The following TMEM221 variants were observed in gnomAD, a reference collection of about 807,000 sequenced individuals.
TMEM221 encodes the protein transmembrane protein 221.
A neutral mutation model predicts 10.2 loss-of-function variants in TMEM221; 11 were observed. The ratio of observed to expected loss-of-function variants is 1.08; its 90% CI spans 0.68 to 1.79. The LOEUF is 1.79. Among genes scored for constraint, TMEM221 ranks in the 40% most tolerant of loss-of-function variants. TMEM221 has a pLI of 0.00. For synonymous variants in TMEM221, 172 were observed against 199.8 expected, an observed-to-expected ratio of 0.86 and a Z score of 1.18; for missense variants, 382 against 417.7, an observed-to-expected ratio of 0.91 and a Z score of 0.75.
At chr19:17,443,150 G>A (rs1475190916) in intron 2 of TMEM221, among the ~76,000 whole-genome samples, 1 of 151,774 alleles carries the variant, frequency 6.6e-6, no homozygotes, top group African/African-American at 2.4e-5. Context: ...GCGTGGTGGT[G>A]GGCACCTGTA....
chr19:17,442,925 A>G (rs1194942511), intron 2 of TMEM221, among the ~76,000 whole-genome samples: 5 of 152,222 alleles, frequency 3.3e-5, no homozygotes, highest in African/African-American at 1.2e-4. Context: ...CTTCACATAT[A>G]TAAATTCCCA....
At chr19:17,447,718 G>A (rs1344132017) in intron 1 of TMEM221, among the ~76,000 whole-genome samples, 1 of 152,124 alleles carries the variant, frequency 6.6e-6, no homozygotes, top group Non-Finnish European at 1.5e-5. Flanking sequence ...GGTCCCTGAG[G>A]AAGGAACTCA....
intron 1 of TMEM221, 128 bp from the exon 2 acceptor site, chr19:17,445,412 A>G: frequency 1.6e-6 from 1 of 637,144 alleles, no homozygotes; most frequent in South Asian, 2.0e-5. Flanking sequence ...CCCAAAATCT[A>G]TGTGAGTACC....
chr19:17,443,735 T>C (rs1166568676), intron 2 of TMEM221, among the ~76,000 whole-genome samples: 1 of 152,168 alleles, frequency 6.6e-6, no homozygotes, highest in Non-Finnish European at 1.5e-5. Context: ...TTTTTCTTCC[T>C]GTAAAACAGA....
intron 2 of TMEM221, among the ~76,000 whole-genome samples, chr19:17,438,786 A>C (rs1013938531): frequency 1.3e-5 from 2 of 150,470 alleles, no homozygotes; most frequent in South Asian, 4.2e-4. Flanking sequence ...TAGTAGAGAC[A>C]GGGGTTTCAC....
Position 17,448,645 on chromosome 19 carries a change from G to A in TMEM221, c.-183C>T, listed in dbSNP as rs1329761110. Reference sequence around the variant, plus strand: ...GACGGACGGGGGCTCCGGGGTGCTGGTCGCAGCCGGGACGCCGAATCTCCG... The same window carrying A: ...GACGGACGGGGGCTCCGGGGTGCTGATCGCAGCCGGGACGCCGAATCTCCG... On this transcript the variant is annotated 5_prime_UTR_variant, in exon 1 of 3. Transcript: ENST00000341130. This position sits in a 1 kb window ranked among gnomAD's most constrained non-coding sequence, Gnocchi z 4.7. 1 of 391,430 alleles carries A rather than the reference G, an allele frequency of 2.6e-6. No homozygotes were observed. Among genetic ancestry groups the A allele is most frequent in the Non-Finnish European group, 4.5e-6 (1 of 223,484 alleles). The allele number at this position is 391,430 out of a possible 1,614,324, so 24.2% of individuals were successfully genotyped here.
chr19:17,437,917 GTTC>G (rs1313646241), intron 2 of TMEM221, among the ~76,000 whole-genome samples: 4 of 60,260 alleles, frequency 6.6e-5, no homozygotes, highest in Non-Finnish European at 1.6e-4. Flanking sequence ...TCTTGTTCTT[GTTC>G]TTCTTTTTTT....
chr19:17,448,158 C>G lies in TMEM221; in HGVS notation c.305G>C (p.Gly102Ala). 3.5e-6 allele frequency: 5 copies of G among 1,421,366 alleles called. No homozygotes were observed. Among genetic ancestry groups the G allele is most frequent in the Non-Finnish European group, 3.7e-6 (4 of 1,090,550 alleles). 88.0% of individuals were successfully genotyped at this position (1,421,366 alleles called of 1,614,324 possible). The change falls in exon 1 of 3, where the codon GGG becomes GCG. Residue 102 changes from glycine (G) to alanine (A), a missense_variant. Coordinates refer to ENST00000341130, the MANE Select transcript of TMEM221 (RefSeq NM_001190844.2). The surrounding 1 kb of genome is among the most constrained non-coding windows in gnomAD (Gnocchi z 4.7). ...GTCCTCCTACCTCCTGGGGCCAGGC[C>G]CCCGCGCCAGCTCGGCGCCCAGGTG... ...CGHLGAELAR[G>A]PGPRRSDWFL...
Position 17,448,436 on chromosome 19 carries a change from C to T in TMEM221, c.27G>A (p.Val9=). 1.3e-6 allele frequency: 2 copies of T among 1,481,636 alleles called. No homozygotes were observed. Among genetic ancestry groups the T allele is most frequent in the Non-Finnish European group, 1.8e-6 (2 of 1,122,878 alleles). 91.8% of individuals were successfully genotyped at this position (1,481,636 alleles called of 1,614,324 possible). Reference sequence around the variant, plus strand: ...TGCCCAGCAGGGTCATTGCAGCCAGCACCCGGCCGCCGTAAGAACGGGCCA... The same window carrying T: ...TGCCCAGCAGGGTCATTGCAGCCAGTACCCGGCCGCCGTAAGAACGGGCCA... MARSYGGR[V]LAAMTLLGIA... The change falls in exon 1 of 3, where the codon GTG becomes GTA. Residue 9 remains valine (V), a synonymous_variant. Transcript: ENST00000341130. This position sits in a 1 kb window ranked among gnomAD's most constrained non-coding sequence, Gnocchi z 4.7.
At chr19:17,443,016 C>T (rs2074937998) in intron 2 of TMEM221, among the ~76,000 whole-genome samples, 1 of 151,992 alleles carries the variant, frequency 6.6e-6, no homozygotes, top group Admixed American at 6.6e-5. Context: ...TGGTGGCTCA[C>T]GCCTGTAATC....
intron 1 of TMEM221, among the ~76,000 whole-genome samples, chr19:17,445,559 C>T (rs913744046): frequency 6.6e-6 from 1 of 152,108 alleles, no homozygotes; most frequent in African/African-American, 2.4e-5. Context: ...TCCATTCATC[C>T]ATTCATCCAT....
Position 17,436,917 on chromosome 19 carries a change from G to C in TMEM221, c.417C>G (p.Ile139Met). Reference protein sequence around the residue: ...GISVYLAALSIYALLLFEIET... With the variant: ...GISVYLAALSMYALLLFEIET... Reference sequence around the variant, plus strand: ...CGATCTCGAAAAGTAGCAAGGCATAGATGGACAGTGCTAGGGAAGGAAACG... The same window carrying C: ...CGATCTCGAAAAGTAGCAAGGCATACATGGACAGTGCTAGGGAAGGAAACG... Residue 139 changes from isoleucine to methionine, a missense_variant, in exon 3 of 3, where the codon ATC becomes ATG. By Grantham distance (10) the Ile-to-Met change is conservative. Transcript: ENST00000341130. The C allele has an allele frequency of 7.0e-7, 1 of 1,428,544 alleles. No homozygotes were observed. The highest frequency in any genetic ancestry group is 1.5e-5 in the South Asian group (1 of 64,936). The allele number at this position is 1,428,544 out of a possible 1,614,324, so 88.5% of individuals were successfully genotyped here.
At position 17,436,414 on chromosome 19, in the gene TMEM221, G is replaced by A. The variant is rs1017325777; in HGVS notation, c.*44C>T. 2 of 1,437,356 alleles carry A rather than the reference G, an allele frequency of 1.4e-6. No individual in the cohort carries two copies. The highest frequency in any genetic ancestry group is 2.8e-5 in the African/African-American group (2 of 70,792). 89.0% of individuals were successfully genotyped at this position (1,437,356 alleles called of 1,614,324 possible). On this transcript the variant is annotated 3_prime_UTR_variant, in exon 3 of 3. Coordinates refer to ENST00000341130, the MANE Select transcript of TMEM221 (RefSeq NM_001190844.2). Reference sequence around the variant, plus strand: ...CAGCTGAACCCGAACCTATCTCTATGGTATCCTTTTCTTACACCAGGTCTC... The same window carrying A: ...CAGCTGAACCCGAACCTATCTCTATAGTATCCTTTTCTTACACCAGGTCTC...
chr19:17,439,472 G>C (rs1343573031), intron 2 of TMEM221, among the ~76,000 whole-genome samples: 1 of 151,756 alleles, frequency 6.6e-6, no homozygotes, highest in Non-Finnish European at 1.5e-5. Context: ...TGGATCACCT[G>C]AAGTCAGGTG....
In TMEM221 at chr19:17,435,861, A is replaced by G. The variant is rs534010032; in HGVS notation, c.*597T>C. 1 of 152,328 alleles carries G rather than the reference A, an allele frequency of 6.6e-6. No individual in the cohort carries two copies. The highest frequency in any genetic ancestry group is 2.4e-5 in the African/African-American group (1 of 41,454). The allele number at this position is 152,328 out of a possible 1,614,324, so 9.4% of individuals were successfully genotyped here. A position where few individuals can be genotyped will look rare whatever the true frequency, so the allele number is the denominator to read the frequency against. On this transcript the variant is annotated 3_prime_UTR_variant, in exon 3 of 3. Coordinates refer to ENST00000341130, the MANE Select transcript of TMEM221 (RefSeq NM_001190844.2). ...GGCCCTGGGCTGCTCCAAGCTTGGCACACATGGATTTGAAATGTTCACAGC... is the reference window on the plus strand; with the variant it reads ...GGCCCTGGGCTGCTCCAAGCTTGGCGCACATGGATTTGAAATGTTCACAGC...
intron 2 of TMEM221, among the ~76,000 whole-genome samples, chr19:17,438,947 C>T (rs1182523731): frequency 2.0e-5 from 3 of 150,978 alleles, no homozygotes; most frequent in Non-Finnish European, 4.4e-5. Flanking sequence ...GTGGCTCACA[C>T]CTGTAATCCC....
chr19:17,447,572 C>A (rs562375676), intron 1 of TMEM221, among the ~76,000 whole-genome samples: 4 of 152,192 alleles, frequency 2.6e-5, no homozygotes, highest in Admixed American at 6.6e-5. Context: ...AGAATTTGGG[C>A]TCCTCTCCCC....
intron 2 of TMEM221, among the ~76,000 whole-genome samples, chr19:17,438,353 G>C (rs1009077173): frequency 6.6e-6 from 1 of 152,070 alleles, no homozygotes; most frequent in Non-Finnish European, 1.5e-5. Context: ...CTTCCAAACT[G>C]CTGGGATTAC....
intron 2 of TMEM221, among the ~76,000 whole-genome samples, chr19:17,441,414 CCT>C (rs761133011): frequency 9.2e-5 from 14 of 152,148 alleles, no homozygotes; most frequent in Admixed American, 2.0e-4. Context: ...GACAAAAGTT[CCT>C]CTGAGGCCAG....
Sources: allele counts gnomAD v4.1 joint callset (sites outside exome capture counted in the v4.1 genomes callset), GRCh38; gene constraint gnomAD v4.1.1; non-coding constraint Gnocchi (gnomAD v3.1); transcripts MANE v1.5; gene names NCBI Gene and HGNC (gene_info 2026-07-23, HGNC 2026-07-21).